SPRED1: variants seen among roughly 807,000 people sequenced by gnomAD.
The protein encoded by SPRED1 is sprouty-related, EVH1 domain-containing protein 1.
Under a neutral mutation model 52.3 loss-of-function variants are expected in SPRED1, and 18 were observed. The observed-to-expected ratio is 0.34, with a 90% confidence interval of 0.24 to 0.51. The LOEUF (loss-of-function observed/expected upper bound fraction) is 0.51. SPRED1 is among the 20% of genes least tolerant of loss of function. The pLI is 0.97. For missense variants in SPRED1, 485 were observed against 551.0 expected (o/e 0.88, Z 1.20); for synonymous variants, 155 against 179.7 (o/e 0.86, Z 1.10).
intron 4 of SPRED1, among the ~76,000 whole-genome samples, chr15:38,334,409 A>G (rs1331436795): frequency 2.6e-5 from 4 of 152,018 alleles, no homozygotes; most frequent in Admixed American, 2.6e-4. Context: ...ACAAATGTAC[A>G]CGTTCTATTA....
chr15:38,333,417 A>G (rs1306428646), intron 4 of SPRED1, among the ~76,000 whole-genome samples: 1 of 152,194 alleles, frequency 6.6e-6, no homozygotes, highest in Non-Finnish European at 1.5e-5. Context: ...AGAAATGAGG[A>G]TGAAAATCAG....
chr15:38,268,253 C>T (rs1894353837), intron 1 of SPRED1: 1 of 152,132 alleles, frequency 6.6e-6, no homozygotes, highest in Middle Eastern at 3.2e-3. Flanking sequence ...TATCCTATGC[C>T]TTTTAGTATT....
At chr15:38,293,276 C>G (rs988922605) in intron 1 of SPRED1, among the ~76,000 whole-genome samples, 2 of 151,452 alleles carry the variant, frequency 1.3e-5, no homozygotes, top group Non-Finnish European at 2.9e-5. Flanking sequence ...ATTTTTGTAT[C>G]TTTAGTAGAG....
chr15:38,285,540 A>G (rs1273189241), intron 1 of SPRED1, among the ~76,000 whole-genome samples: 3 of 152,178 alleles, frequency 2.0e-5, no homozygotes, highest in Non-Finnish European at 4.4e-5. Context: ...AAGCAGGTGT[A>G]TGCTTGGCAT....
intron 1 of SPRED1, among the ~76,000 whole-genome samples, chr15:38,273,668 T>C (rs935833851): frequency 5.9e-5 from 9 of 151,962 alleles, no homozygotes; most frequent in Non-Finnish European, 1.3e-4. Context: ...TAAATGATAA[T>C]TTAAATTTAA....
intron 5 of SPRED1, among the ~76,000 whole-genome samples, chr15:38,345,515 G>T (rs138599844): frequency 6.6e-6 from 1 of 152,166 alleles, no homozygotes; most frequent in African/African-American, 2.4e-5. Flanking sequence ...GCAAGTTAAC[G>T]TACTAGTTTT....
At chr15:38,276,754 A>G (rs935267770) in intron 1 of SPRED1, among the ~76,000 whole-genome samples, 5 of 152,182 alleles carry the variant, frequency 3.3e-5, no homozygotes, top group African/African-American at 1.2e-4. Flanking sequence ...GAGTAAGTCT[A>G]TTCTGTTTAA....
At chr15:38,291,041 T>C (rs1406885662) in intron 1 of SPRED1, among the ~76,000 whole-genome samples, 2 of 152,134 alleles carry the variant, frequency 1.3e-5, no homozygotes, top group Non-Finnish European at 2.9e-5. Context: ...CTTGTGAGCC[T>C]GTAAAATCAA....
chr15:38,345,357 A>G (rs1269193001), intron 5 of SPRED1, among the ~76,000 whole-genome samples: 1 of 152,344 alleles, frequency 6.6e-6, no homozygotes, highest in South Asian at 2.1e-4. Flanking sequence ...TAACTTGGTG[A>G]GTGTAAATGC....
chr15:38,294,018 A>G (rs1457760166), intron 1 of SPRED1, among the ~76,000 whole-genome samples: 1 of 152,166 alleles, frequency 6.6e-6, no homozygotes, highest in East Asian at 1.9e-4. Context: ...TTTATGTAGT[A>G]TATGAATCTC....
rs727504717 is a variant in SPRED1, at chr15:38,253,212, C to T, written c.27C>T (p.Asp9=). The T allele has an allele frequency of 1.9e-6, 3 of 1,578,396 alleles. No homozygotes were observed. Among genetic ancestry groups the T allele is most frequent in the Admixed American group, 3.6e-5 (2 of 55,612 alleles). ...TGAGCGAGGAGACGGCGACTTCTGA[C>T]AACGAGTAAGCGCCTCATTGATCTC... MSEETATS[D]NDNSYARVRA... Residue 9 remains aspartate (D), a synonymous_variant, in exon 1 of 7, where the codon GAC becomes GAT. Transcript: ENST00000299084.
At chr15:38,346,894 T>G (rs1436824074) in intron 5 of SPRED1, among the ~76,000 whole-genome samples, 2 of 152,210 alleles carry the variant, frequency 1.3e-5, no homozygotes, top group Non-Finnish European at 2.9e-5. Flanking sequence ...TGATTGTTCC[T>G]TTACAAATGG....
At chr15:38,314,091 A>G (rs1895422712) in intron 2 of SPRED1, among the ~76,000 whole-genome samples, 1 of 151,866 alleles carries the variant, frequency 6.6e-6, no homozygotes, top group African/African-American at 2.4e-5. Flanking sequence ...GTCAAGATAT[A>G]TGTTATATTG....
chr15:38,294,872 T>C (rs1354111030), intron 1 of SPRED1, among the ~76,000 whole-genome samples: 3 of 152,192 alleles, frequency 2.0e-5, no homozygotes, highest in Admixed American at 2.0e-4. Context: ...AGAAAATATA[T>C]ATGTGGCAAA....
intron 4 of SPRED1, among the ~76,000 whole-genome samples, chr15:38,328,338 A>G (rs1171243478): frequency 6.6e-6 from 1 of 152,240 alleles, no homozygotes; most frequent in Non-Finnish European, 1.5e-5. Context: ...TAATTAATTC[A>G]ACAAATATTT....
chr15:38,346,941 G>A (rs1437099253), intron 5 of SPRED1, among the ~76,000 whole-genome samples: 1 of 152,092 alleles, frequency 6.6e-6, no homozygotes, highest in African/African-American at 2.4e-5. Flanking sequence ...CTTGTTACTA[G>A]GTAATCAAAT....
chr15:38,301,838 T>C (rs1895153993), intron 2 of SPRED1, among the ~76,000 whole-genome samples: 1 of 150,680 alleles, frequency 6.6e-6, no homozygotes, highest in Non-Finnish European at 1.5e-5. Context: ...TTCATTGGTT[T>C]TATTTTAACC....
chr15:38,354,223 A>G lies in SPRED1; in HGVS notation c.*2559A>G, dbSNP rs1320751750. On this transcript the variant is annotated 3_prime_UTR_variant, in exon 7 of 7. Transcript: ENST00000299084. The stretch of plus-strand genomic sequence containing the variant: ...TGGGTAGTTTAAATCACTGATTCTT[A>G]AACATGTGTATAGGCACCTTCAGGA... 6.6e-6 allele frequency: 1 copy of G among 152,224 alleles called. No homozygotes were observed. The highest frequency in any genetic ancestry group is 2.4e-5 in the African/African-American group (1 of 41,458). The allele number at this position is 152,224 out of a possible 1,614,324, so 9.4% of individuals were successfully genotyped here.
At chr15:38,286,542 C>CTT (rs34939270) in intron 1 of SPRED1, among the ~76,000 whole-genome samples, 132,599 of 147,960 alleles carry the variant, frequency 0.9, 60,993 homozygotes, top group East Asian at 1. Context: ...TTACTTATGG[C>CTT]TTTTTTTTTT....
Sources: allele counts gnomAD v4.1 joint callset (sites outside exome capture counted in the v4.1 genomes callset), GRCh38; gene constraint gnomAD v4.1.1; transcripts MANE v1.5; gene names NCBI Gene and HGNC (gene_info 2026-07-23, HGNC 2026-07-21).